The following SLC6A13 variants were observed in gnomAD, a reference collection of about 807,000 sequenced individuals.
SLC6A13 encodes the protein sodium- and chloride-dependent GABA transporter 2.
A neutral mutation model predicts 72.9 loss-of-function variants in SLC6A13; 69 were observed. That is an observed-to-expected ratio of 0.95 (90% CI 0.78 to 1.16). SLC6A13 has a LOEUF of 1.16. Among genes scored for constraint, SLC6A13 ranks in the 50% most tolerant of loss-of-function variants. The pLI is 0.00. For missense variants in SLC6A13, 735 were observed against 760.5 expected, an observed-to-expected ratio of 0.97 and a Z score of 0.39; for synonymous variants, 303 against 303.0, an observed-to-expected ratio of 1.00 and a Z score of 0.00.
At chr12:252,859 T>C (rs1942602422) in intron 2 of SLC6A13, among the ~76,000 whole-genome samples, 1 of 149,872 alleles carries the variant, frequency 6.7e-6, no homozygotes, top group Non-Finnish European at 1.5e-5. Flanking sequence ...CTCCTTCCTC[T>C]GCCTCGTTGA....
intron 2 of SLC6A13, among the ~76,000 whole-genome samples, chr12:248,556 A>T (rs1417373147): frequency 6.6e-6 from 1 of 152,226 alleles, no homozygotes; most frequent in African/African-American, 2.4e-5. Context: ...GGGTCAATTA[A>T]TCAAGAGGGT....
At chr12:221,330 A>G (rs770041292) in intron 14 of SLC6A13, 46 bp downstream of exon 14, 1 of 1,526,848 alleles carries the variant, frequency 6.5e-7, no homozygotes, top group South Asian at 1.2e-5. Context: ...GCACCTGCGA[A>G]GCCTCCCAGC....
chr12:227,455 G>A, intron 8 of SLC6A13, 110 bp downstream of exon 8: 1 of 1,542,628 alleles, frequency 6.5e-7, no homozygotes, highest in South Asian at 1.2e-5. Context: ...GTGTAGACAG[G>A]GGGGCAGATC....
chr12:227,747 G>T, intron 7 of SLC6A13, 79 bp from the exon 8 acceptor site: 1 of 1,253,990 alleles, frequency 8.0e-7, no homozygotes, highest in Non-Finnish European at 1.1e-6. Context: ...CAGGCATGTG[G>T]CTGAGCCAGA....
At chr12:222,978 G>C (rs1941278873) in intron 12 of SLC6A13, 154 bp downstream of exon 12, 1 of 604,916 alleles carries the variant, frequency 1.7e-6, no homozygotes, top group Admixed American at 3.0e-5. Flanking sequence ...CCTTCCAAAG[G>C]TAGCAATTTA....
intron 1 of SLC6A13, 170 bp downstream of exon 1, chr12:262,619 A>T: frequency 2.2e-6 from 2 of 903,732 alleles, no homozygotes; most frequent in Non-Finnish European, 2.6e-6. Flanking sequence ...CAAGTTTCAG[A>T]AAGTCAAGAA....
At chr12:250,520 G>C (rs1942496810) in intron 2 of SLC6A13, among the ~76,000 whole-genome samples, 1 of 151,840 alleles carries the variant, frequency 6.6e-6, no homozygotes, top group Non-Finnish European at 1.5e-5. Flanking sequence ...TTAAAATGTA[G>C]GAAATAATAC....
chr12:232,487 C>T (rs1941751674), intron 7 of SLC6A13, among the ~76,000 whole-genome samples: 1 of 152,216 alleles, frequency 6.6e-6, no homozygotes, highest in South Asian at 2.1e-4. Flanking sequence ...GCTTATGATT[C>T]ACAAAACAAA....
chr12:243,680 C>G lies in SLC6A13; in HGVS notation c.336G>C (p.Glu112Asp). The change falls in exon 3 of 15, where the codon GAG (glutamate) becomes GAC (aspartate). Residue 112 changes from glutamate (E) to aspartate (D), a missense_variant and splice_region_variant. Physicochemically the swap from Glu to Asp is conservative, Grantham distance 45 (BLOSUM62 2). Coordinates refer to ENST00000343164, the MANE Select transcript of SLC6A13 (RefSeq NM_016615.5). ...GGAGTCAGGTACAGAGCTACTCACC[C>G]TCAAAGATGGGGCAGATCTTCCTCC... ...TAWRKICPIF[E>D]GIGYASQMIV... 1 of 1,613,858 alleles carries G rather than the reference C, an allele frequency of 6.2e-7. No homozygotes were observed. The highest frequency in any genetic ancestry group is 8.5e-7 in the Non-Finnish European group (1 of 1,179,888).
chr12:243,588 C>A (rs1942245501), intron 3 of SLC6A13, 91 bp downstream of exon 3: 1 of 1,323,418 alleles, frequency 7.6e-7, no homozygotes, highest in East Asian at 2.3e-5. Flanking sequence ...TTATCTTAAC[C>A]TCAGAACTGC....
intron 2 of SLC6A13, chr12:259,492 G>T: frequency 7.6e-7 from 1 of 1,308,730 alleles, no homozygotes; most frequent in Non-Finnish European, 9.7e-7. Context: ...ACCTTGAAAG[G>T]CAGGCATTAT....
At chr12:232,596 G>A (rs761587964) in intron 7 of SLC6A13, among the ~76,000 whole-genome samples, 19 of 152,318 alleles carry the variant, frequency 1.2e-4, no homozygotes, top group Middle Eastern at 6.8e-3. Flanking sequence ...ATCCTTCTAG[G>A]ACCCTGGTTG....
intron 9 of SLC6A13, among the ~76,000 whole-genome samples, chr12:225,575 G>A (rs780490721): frequency 3.3e-5 from 5 of 151,930 alleles, no homozygotes; most frequent in East Asian, 1.9e-4. Flanking sequence ...ACTTCAGCCC[G>A]GGAAGCGGAG....
At chr12:235,003 G>A (rs1457856310) in intron 7 of SLC6A13, 87 bp downstream of exon 7, 15 of 1,500,382 alleles carry the variant, frequency 1.0e-5, no homozygotes, top group Middle Eastern at 2.1e-4. Context: ...AGTGCTAGGT[G>A]CGGGGGTTCC....
intron 5 of SLC6A13, 36 bp downstream of exon 5, chr12:237,890 C>T: frequency 1.3e-6 from 2 of 1,483,228 alleles, no homozygotes; most frequent in Non-Finnish European, 1.9e-6. Context: ...CTTCTGAACA[C>T]ACGGCCCACA....
At chr12:223,951 GCTC>G (rs762380456) in intron 11 of SLC6A13, 38 bp downstream of exon 11, 2 of 1,609,576 alleles carry the variant, frequency 1.2e-6, no homozygotes, top group Non-Finnish European at 8.5e-7. Context: ...CTGTCACTTG[GCTC>G]CTCCTCCCCA....
At chr12:226,318 A>T (rs1941450651) in intron 9 of SLC6A13, 72 bp downstream of exon 9, 3 of 1,594,170 alleles carry the variant, frequency 1.9e-6, no homozygotes, top group Admixed American at 3.4e-5. Context: ...CACAATGGAA[A>T]CGCCTCTAGA....
chr12:261,003 C>T (rs57953968), intron 1 of SLC6A13, among the ~76,000 whole-genome samples: 2,822 of 152,266 alleles, frequency 0.019, 93 homozygotes, highest in African/African-American at 0.064. Flanking sequence ...CTAAGTACTC[C>T]TTCTATGTCT....
In SLC6A13 at chr12:241,038, G is replaced by T. The variant is rs542247398; in HGVS notation, c.478+1576C>A. Among the ~76,000 whole-genome samples the T allele has an allele frequency of 1.3e-3, 203 of 152,340 alleles. 1 individual carries two copies. Among genetic ancestry groups the T allele is most frequent in the Non-Finnish European group, 1.8e-3 (124 of 68,036 alleles). ...AGAAAGAATTGGGCTGGGCACAGTG[G>T]CTCACGCCTGTAATCCCAGCGCTTT... On this transcript the variant is annotated intron_variant, in intron 4 of 14. Coordinates refer to ENST00000343164, the MANE Select transcript of SLC6A13 (RefSeq NM_016615.5).
Sources: allele counts gnomAD v4.1 joint callset (sites outside exome capture counted in the v4.1 genomes callset), GRCh38; gene constraint gnomAD v4.1.1; transcripts MANE v1.5; gene names NCBI Gene and HGNC (gene_info 2026-07-23, HGNC 2026-07-21).